Variants in COL27A1 observed in about 807,000 individuals in gnomAD.
The protein encoded by COL27A1 is collagen type XXVII alpha 1 chain.
In COL27A1, 106 loss-of-function variants were observed where a neutral mutation model predicts 251.3. That is an observed-to-expected ratio of 0.42 (90% CI 0.36 to 0.50). The LOEUF (loss-of-function observed/expected upper bound fraction) is 0.50. Among genes scored for constraint, COL27A1 ranks in the 20% least tolerant of loss-of-function variants. The pLI is 0.00. For synonymous variants in COL27A1, 1,000 were observed against 986.3 expected (o/e 1.01, Z -0.26); for missense variants, 2,325 against 2,522.8 (o/e 0.92, Z 1.68).
intron 12 of COL27A1, among the ~76,000 whole-genome samples, chr9:114,215,612 GC>G (rs1259882810): frequency 6.6e-6 from 1 of 152,196 alleles, no homozygotes; most frequent in Admixed American, 6.5e-5. Flanking sequence ...CACGCTTGGA[GC>G]CTGCACACCT....
At chr9:114,193,314 C>T (rs1459391117) in intron 5 of COL27A1, among the ~76,000 whole-genome samples, 1 of 152,174 alleles carries the variant, frequency 6.6e-6, no homozygotes, top group Non-Finnish European at 1.5e-5. Context: ...CACCCCGTGA[C>T]AGACATGGCT....
At chr9:114,267,610 T>C in intron 34 of COL27A1, 53 bp downstream of exon 34, 1 of 1,500,160 alleles carries the variant, frequency 6.7e-7, no homozygotes, top group Non-Finnish European at 9.2e-7. Context: ...AGCTCCCAGA[T>C]GGTGGCCACA....
intron 12 of COL27A1, among the ~76,000 whole-genome samples, chr9:114,219,573 G>A (rs1439606561): frequency 6.6e-6 from 1 of 152,154 alleles, no homozygotes; most frequent in Non-Finnish European, 1.5e-5. Context: ...TTTCTTTTCA[G>A]AGACTTAGTA....
In COL27A1 at chr9:114,301,731, T is replaced by G; in HGVS notation, c.4845+14T>G. 1 of 1,611,710 alleles carries G rather than the reference T, an allele frequency of 6.2e-7. No homozygotes were observed. Among genetic ancestry groups the G allele is most frequent in the Non-Finnish European group, 8.5e-7 (1 of 1,178,844 alleles). Reference sequence around the variant, plus strand: ...CCCGGCCCCCCGGTAGGTAACTGAGTGCTGGGTGCATCTTGGACTCCTGGG... The same window carrying G: ...CCCGGCCCCCCGGTAGGTAACTGAGGGCTGGGTGCATCTTGGACTCCTGGG... On this transcript the variant is annotated intron_variant, in intron 55 of 60. Coordinates refer to ENST00000356083, the MANE Select transcript of COL27A1 (RefSeq NM_032888.4).
intron 7 of COL27A1, among the ~76,000 whole-genome samples, chr9:114,198,031 G>A (rs752237199): frequency 1.1e-4 from 16 of 152,234 alleles, no homozygotes; most frequent in Non-Finnish European, 2.1e-4. Context: ...CAGCCACTTG[G>A]CTCTGATCTT....
chr9:114,281,369 T>G (rs577120073), intron 37 of COL27A1, among the ~76,000 whole-genome samples: 1 of 152,372 alleles, frequency 6.6e-6, no homozygotes, highest in Non-Finnish European at 1.5e-5. Flanking sequence ...GCTGTGCAGT[T>G]TCTCTGACAA....
intron 4 of COL27A1, 81 bp from the exon 5 acceptor site, chr9:114,182,941 G>C (rs533089537): frequency 8.5e-7 from 1 of 1,182,626 alleles, no homozygotes. Context: ...GTGGAGGGAA[G>C]GTGCCAGGCA....
At chr9:114,261,309 G>GAGGAGCA (rs1564538413) in intron 28 of COL27A1, among the ~76,000 whole-genome samples, 1 of 150,842 alleles carries the variant, frequency 6.6e-6, no homozygotes. Context: ...CTCGAGGAGC[G>GAGGAGCA]GATACAAGAG....
intron 28 of COL27A1, among the ~76,000 whole-genome samples, chr9:114,263,844 C>T (rs1834530085): frequency 1.3e-5 from 2 of 152,148 alleles, no homozygotes; most frequent in Admixed American, 6.5e-5. Context: ...GGGCTGTATT[C>T]GTTGTACGTC....
At chr9:114,265,590 G>A (rs924028363) in intron 32 of COL27A1, 115 bp downstream of exon 32, 31 of 1,016,700 alleles carry the variant, frequency 3.0e-5, no homozygotes, top group East Asian at 1.8e-4. Flanking sequence ...CCTCTAACCC[G>A]CTGTGGGCCA....
At chr9:114,164,750 G>T (rs1848716481) in intron 2 of COL27A1, among the ~76,000 whole-genome samples, 1 of 152,076 alleles carries the variant, frequency 6.6e-6, no homozygotes, top group African/African-American at 2.4e-5. Context: ...ATAATAAGAG[G>T]GTTTCAGTGA....
intron 41 of COL27A1, among the ~76,000 whole-genome samples, chr9:114,286,329 C>T (rs4978577): frequency 0.13 from 19,658 of 152,114 alleles, 1,367 homozygotes; most frequent in East Asian, 0.26. Context: ...TACCATTGTT[C>T]TACAAGACAG....
At chr9:114,276,078 C>G (rs547118305) in intron 37 of COL27A1, among the ~76,000 whole-genome samples, 1 of 152,320 alleles carries the variant, frequency 6.6e-6, no homozygotes, top group East Asian at 1.9e-4. Flanking sequence ...CAAGCTGTGG[C>G]CCTTACCCCT....
intron 12 of COL27A1, among the ~76,000 whole-genome samples, chr9:114,216,789 G>T (rs1161954116): frequency 6.6e-6 from 1 of 152,056 alleles, no homozygotes; most frequent in Non-Finnish European, 1.5e-5. Context: ...ATGGAGACAG[G>T]GGTTGACTCC....
intron 12 of COL27A1, among the ~76,000 whole-genome samples, chr9:114,212,468 C>T (rs1010845091): frequency 2.2e-4 from 33 of 152,192 alleles, no homozygotes; most frequent in Non-Finnish European, 4.6e-4. Context: ...TACCCAATCA[C>T]TGAATGGGGA....
intron 21 of COL27A1, among the ~76,000 whole-genome samples, chr9:114,241,708 G>A (rs1249713): frequency 0.31 from 47,303 of 152,112 alleles, 7,818 homozygotes; most frequent in Middle Eastern, 0.46. Context: ...GCACCATCCC[G>A]AGTGATGTTT....
chr9:114,178,362 G>A lies in COL27A1; in HGVS notation c.1962+18G>A, dbSNP rs1327482210. 6.2e-7 allele frequency: 1 copy of A among 1,612,958 alleles called. No individual in the cohort carries two copies. The highest frequency in any genetic ancestry group is 1.7e-4 in the Middle Eastern group (1 of 6,050). On this transcript the variant is annotated intron_variant, in intron 4 of 60. Coordinates refer to ENST00000356083, the MANE Select transcript of COL27A1 (RefSeq NM_032888.4). ...GGCCTCGGGTGAGTTATCTCACACTGTCCTTTGGAACTCTTGGTGGCTCTT... is the reference window on the plus strand; with the variant it reads ...GGCCTCGGGTGAGTTATCTCACACTATCCTTTGGAACTCTTGGTGGCTCTT...
At chr9:114,191,301 G>A (rs181141509) in intron 5 of COL27A1, among the ~76,000 whole-genome samples, 3 of 152,154 alleles carry the variant, frequency 2.0e-5, no homozygotes, top group African/African-American at 7.2e-5. Context: ...TGTGCAGGAT[G>A]TGTAGGTTTG....
intron 2 of COL27A1, 141 bp downstream of exon 2, chr9:114,162,926 G>A: frequency 3.2e-6 from 2 of 619,326 alleles, no homozygotes; most frequent in Non-Finnish European, 5.7e-6. Context: ...ATGATAATTG[G>A]CAAATTCTCT....
Sources: gnomAD v4.1 joint callset for allele counts (sites outside exome capture counted in the v4.1 genomes callset) on GRCh38, gnomAD v4.1.1 for gene constraint, MANE v1.5 for transcripts, NCBI Gene and HGNC (gene_info 2026-07-23, HGNC 2026-07-21) for gene names.